Variants in ZNF227 observed in about 807,000 individuals in gnomAD.
The protein encoded by ZNF227 is zinc finger protein 227.
A neutral mutation model predicts 13.2 loss-of-function variants in ZNF227; 12 were observed. The ratio of observed to expected loss-of-function variants is 0.91; its 90% confidence interval spans 0.58 to 1.47. The LOEUF (loss-of-function observed/expected upper bound fraction) is 1.47, where lower values mean the gene tolerates loss of function less well. Among genes scored for constraint, ZNF227 ranks in the 40% most tolerant of loss-of-function variants. The probability of loss-of-function intolerance (pLI) is 0.00; values close to 1 mark genes in which losing one functional copy is unlikely to be tolerated. For synonymous variants in ZNF227, 338 were observed against 326.0 expected (o/e 1.04, Z -0.40); for missense variants, 885 against 967.5 (o/e 0.91, Z 1.13).
rs1974594621 is a variant in ZNF227 at position 44,237,187 on chromosome 19, A to AT, written c.*361dup. Reference sequence around the variant, plus strand: ...TTATTATCCCTTTTCTTTAATTTTCATTTTATACTTACAGTGATCATTATT... The same window carrying AT: ...TTATTATCCCTTTTCTTTAATTTTCATTTTTATACTTACAGTGATCATTATT... On this transcript the variant is annotated 3_prime_UTR_variant, in exon 6 of 6. Coordinates refer to ENST00000313040, the MANE Select transcript of ZNF227 (RefSeq NM_182490.3). 5.4e-6 allele frequency: 1 copy of AT among 183,508 alleles called. No homozygotes were observed. Among genetic ancestry groups the AT allele is most frequent in the Admixed American group, 5.5e-5 (1 of 18,160 alleles). 11.4% of individuals were successfully genotyped at this position (183,508 alleles called of 1,614,324 possible).
intron 5 of ZNF227, among the ~76,000 whole-genome samples, chr19:44,231,582 C>T (rs1419339262): frequency 6.6e-6 from 1 of 152,170 alleles, no homozygotes; most frequent in East Asian, 1.9e-4. Context: ...CCACCTGTCT[C>T]AGCCTCCCAA....
At chr19:44,218,944 A>G (rs998084811) in intron 3 of ZNF227, among the ~76,000 whole-genome samples, 9 of 152,166 alleles carry the variant, frequency 5.9e-5, no homozygotes, top group African/African-American at 1.9e-4. Flanking sequence ...CCGGAGTGCA[A>G]TGGCATGTTC....
At chr19:44,226,766 G>A (rs1973210186) in intron 3 of ZNF227, among the ~76,000 whole-genome samples, 1 of 152,144 alleles carries the variant, frequency 6.6e-6, no homozygotes, top group Non-Finnish European at 1.5e-5. Flanking sequence ...CTCACACCCA[G>A]TGTGCTGCAC....
upstream of ZNF227, among the ~76,000 whole-genome samples, chr19:44,209,016 AGT>A (rs1322975822): frequency 6.6e-6 from 1 of 152,214 alleles, no homozygotes; most frequent in Non-Finnish European, 1.5e-5. Flanking sequence ...TTGAAGCTGC[AGT>A]GAGCTATGAC....
At chr19:44,233,246 C>T (rs543217958) in intron 5 of ZNF227, among the ~76,000 whole-genome samples, 22 of 152,254 alleles carry the variant, frequency 1.4e-4, no homozygotes, top group Admixed American at 1.4e-3. Context: ...TATAATTTTA[C>T]ATCTTGACTA....
At chr19:44,217,163 C>T (rs1268882727) in intron 2 of ZNF227, among the ~76,000 whole-genome samples, 2 of 151,794 alleles carry the variant, frequency 1.3e-5, no homozygotes, top group Non-Finnish European at 2.9e-5. Context: ...GAGGTTTTGC[C>T]GTGTTGGCCA....
intron 5 of ZNF227, among the ~76,000 whole-genome samples, chr19:44,233,099 A>AC (rs1555792664): frequency 1.3e-5 from 2 of 149,536 alleles, no homozygotes; most frequent in African/African-American, 4.9e-5. Context: ...ACCTGTTGCT[A>AC]TTTTTTTTTC....
rs769426183 is a variant in ZNF227 at position 44,235,147 on chromosome 19, C to A, written c.717C>A (p.Ser239=). Residue 239 remains serine (S), a synonymous_variant, in exon 6 of 6, where the codon TCC becomes TCA. Coordinates refer to ENST00000313040, the MANE Select transcript of ZNF227 (RefSeq NM_182490.3). The part of the protein sequence containing the change: ...NEYGKIISDG[S]NQKLPLGEKP... ...ATGGCAAAATCATTAGTGATGGCTC[C>A]AATCAGAAATTACCCTTAGGAGAGA... The A allele has an allele frequency of 6.2e-7, 1 of 1,614,012 alleles. No individual in the cohort carries two copies. Among genetic ancestry groups the A allele is most frequent in the African/African-American group, 1.3e-5 (1 of 74,898 alleles).
intron 3 of ZNF227, among the ~76,000 whole-genome samples, chr19:44,219,308 GT>G (rs544643732): frequency 5.1e-4 from 77 of 152,248 alleles, no homozygotes; most frequent in African/African-American, 1.7e-3. Flanking sequence ...CTCAAGCACA[GT>G]TTTTATGTAA....
chr19:44,234,998 A>T lies in ZNF227; in HGVS notation c.568A>T (p.Ser190Cys). ...NTYLSESQIQ[S>C]RGKQIDVKNN... ...ATATCTGAGTGAGTCACAGATTCAG[A>T]GTAGAGGTAAGCAAATTGATGTGAA... The change falls in exon 6 of 6, where the codon AGT (serine) becomes TGT (cysteine). Residue 190 changes from serine (S) to cysteine (C), a missense_variant. Transcript: ENST00000313040. 6.2e-7 allele frequency: 1 copy of T among 1,614,202 alleles called. No homozygotes were observed. The highest frequency in any genetic ancestry group is 8.5e-7 in the Non-Finnish European group (1 of 1,180,038).
chr19:44,234,952 C>T lies in ZNF227; in HGVS notation c.522C>T (p.Thr174=), dbSNP rs746689231. The change falls in exon 6 of 6, where the codon ACC becomes ACT. Residue 174 remains threonine, a synonymous_variant. Transcript: ENST00000313040. ...ATCAAGAGTTTCCATTTTGGAGAACCCAGCATTCTTGCGGGAATACATATC... is the reference window on the plus strand; with the variant it reads ...ATCAAGAGTTTCCATTTTGGAGAACTCAGCATTCTTGCGGGAATACATATC... The part of the protein sequence containing the change: ...IENQEFPFWR[T]QHSCGNTYLS... 1 of 1,613,880 alleles carries T rather than the reference C, an allele frequency of 6.2e-7. No homozygotes were observed. Among genetic ancestry groups the T allele is most frequent in the Non-Finnish European group, 8.5e-7 (1 of 1,179,982 alleles).
chr19:44,226,969 C>T (rs1973235350), intron 3 of ZNF227, among the ~76,000 whole-genome samples: 2 of 152,210 alleles, frequency 1.3e-5, no homozygotes. Flanking sequence ...GCAGTTGCTA[C>T]TTCTTGGCCA....
upstream of ZNF227, among the ~76,000 whole-genome samples, chr19:44,210,475 T>C (rs1299900246): frequency 2.0e-5 from 3 of 152,244 alleles, no homozygotes; most frequent in South Asian, 4.1e-4. Context: ...GATAGCTTTA[T>C]ACTAAGGCTG....
chr19:44,217,617 C>T (rs1568594525), intron 2 of ZNF227, 174 bp from the exon 3 acceptor site: 1 of 785,082 alleles, frequency 1.3e-6, no homozygotes, highest in South Asian at 1.4e-5. Flanking sequence ...TGTTCACTGC[C>T]CAATGGCACT....
chr19:44,211,782 A>C (rs1316544450), upstream of ZNF227, among the ~76,000 whole-genome samples: 2 of 147,176 alleles, frequency 1.4e-5, no homozygotes, highest in Non-Finnish European at 3.0e-5. Flanking sequence ...CGATCCTGTT[A>C]AATGTAAAAA....
Position 44,228,456 on chromosome 19 carries a change from C to T in ZNF227, c.71C>T (p.Thr24Ile). Residue 24 changes from threonine (T) to isoleucine (I), a missense_variant, in exon 4 of 6, where the codon ACA becomes ATA. By Grantham distance (89) the Thr-to-Ile change is moderately conservative. Coordinates refer to ENST00000313040, the MANE Select transcript of ZNF227 (RefSeq NM_182490.3). ...TGTTTGATATTGTAGGAGGCTGTGACATTCAAGGATGTGGCTGTGGTCTTC... is the reference window on the plus strand; with the variant it reads ...TGTTTGATATTGTAGGAGGCTGTGATATTCAAGGATGTGGCTGTGGTCTTC... Reference protein sequence around the residue: ...EKMTKFQEAVTFKDVAVVFSR... With the variant: ...EKMTKFQEAVIFKDVAVVFSR... 1 of 1,612,716 alleles carries T rather than the reference C, an allele frequency of 6.2e-7. No individual in the cohort carries two copies. The highest frequency in any genetic ancestry group is 8.5e-7 in the Non-Finnish European group (1 of 1,179,612).
intron 3 of ZNF227, among the ~76,000 whole-genome samples, chr19:44,226,890 G>A (rs574485693): frequency 5.1e-4 from 77 of 152,272 alleles, no homozygotes; most frequent in African/African-American, 1.7e-3. Context: ...GCTGTAGACC[G>A]GAGCTGTTCC....
At position 44,236,431 on chromosome 19, in the gene ZNF227, G is replaced by A. The variant is rs1974513691; in HGVS notation, c.2001G>A (p.Lys667=). ...EKPYKCDVCG[K]GFRYSSQFIY... Reference sequence around the variant, plus strand: ...CATACAAATGTGATGTGTGTGGAAAGGGCTTTAGATACAGTTCGCAGTTTA... The same window carrying A: ...CATACAAATGTGATGTGTGTGGAAAAGGCTTTAGATACAGTTCGCAGTTTA... Residue 667 remains lysine (K), a synonymous_variant, in exon 6 of 6, where the codon AAG becomes AAA. Coordinates refer to ENST00000313040, the MANE Select transcript of ZNF227 (RefSeq NM_182490.3). The A allele has an allele frequency of 6.2e-7, 1 of 1,613,904 alleles. No homozygotes were observed. The highest frequency in any genetic ancestry group is 1.7e-5 in the Admixed American group (1 of 59,940).
At chr19:44,227,638 A>G (rs959761793) in intron 3 of ZNF227, among the ~76,000 whole-genome samples, 1 of 152,208 alleles carries the variant, frequency 6.6e-6, no homozygotes, top group Non-Finnish European at 1.5e-5. Context: ...TGCACCGTCA[A>G]ACTCCTGGGC....
Sources: allele counts gnomAD v4.1 joint callset (sites outside exome capture counted in the v4.1 genomes callset), GRCh38; gene constraint gnomAD v4.1.1; transcripts MANE v1.5; gene names NCBI Gene and HGNC (gene_info 2026-07-23, HGNC 2026-07-21).